ATM: variants seen among roughly 807,000 people sequenced by gnomAD.
ATM encodes serine-protein kinase ATM.
ATM carries 308 observed loss-of-function variants against 387.0 expected under a neutral mutation model. The observed-to-expected ratio is 0.80, with a 90% confidence interval of 0.73 to 0.87. The LOEUF (loss-of-function observed/expected upper bound fraction) is 0.87, where lower values mean the gene tolerates loss of function less well. ATM is among the 40% of genes least tolerant of loss of function. The pLI, the probability that ATM is intolerant of heterozygous loss-of-function variation, is 0.00. For missense variants in ATM, 3,312 were observed against 3,560.9 expected (o/e 0.93, Z 1.78); for synonymous variants, 1,156 against 1,187.3 (o/e 0.97, Z 0.54).
rs3092828 is a variant in ATM, at chr11:108,304,660, G to T, written c.5497-15G>T. 1 of 1,611,988 alleles carries T rather than the reference G, an allele frequency of 6.2e-7. No homozygotes were observed. The highest frequency in any genetic ancestry group is 2.2e-5 in the East Asian group (1 of 44,834). ...TTTACTCAAACTATTGGGTGGATTT[G>T]TTTGTATATTCTAGGTGAAAACTGA... is the stretch of plus-strand genomic sequence containing the variant. On this transcript the variant is annotated splice_polypyrimidine_tract_variant and intron_variant, in intron 36 of 62. Transcript: ENST00000675843.
At chr11:108,326,848 C>T (rs1288270074) in intron 47 of ATM, among the ~76,000 whole-genome samples, 6 of 152,076 alleles carry the variant, frequency 3.9e-5, no homozygotes, top group Non-Finnish European at 7.4e-5. Flanking sequence ...TTTTTTGAGA[C>T]GGAGTCTTGC....
intron 46 of ATM, 49 bp downstream of exon 46, chr11:108,325,593 A>G: frequency 6.8e-7 from 1 of 1,465,026 alleles, no homozygotes; most frequent in Non-Finnish European, 9.5e-7. Context: ...CTTTCCTTTT[A>G]TTATTTAAAA....
chr11:108,289,564 A>T (rs2135758270), intron 28 of ATM, 38 bp from the exon 29 acceptor site: 1 of 1,502,410 alleles, frequency 6.7e-7, no homozygotes, highest in Non-Finnish European at 9.1e-7. Flanking sequence ...CCGAGTATCT[A>T]ATTAAACAAG....
At chr11:108,251,697 A>G in intron 10 of ATM, 140 bp from the exon 11 acceptor site, 1 of 829,564 alleles carries the variant, frequency 1.2e-6, no homozygotes, top group Non-Finnish European at 2.0e-6. Context: ...GAATCTTCCC[A>G]AATGTAATCA....
intron 56 of ATM, among the ~76,000 whole-genome samples, chr11:108,336,932 C>A (rs923309250): frequency 3.3e-5 from 5 of 152,192 alleles, no homozygotes; most frequent in Non-Finnish European, 1.5e-5. Flanking sequence ...TTTGTGATTT[C>A]ATTCCTGTAC....
rs773149592 is a variant in ATM at position 108,345,814 on chromosome 11, T to C, written c.8490T>C (p.Val2830=). The C allele has an allele frequency of 6.2e-7, 1 of 1,613,946 alleles. No individual in the cohort carries two copies. Among genetic ancestry groups the C allele is most frequent in the Non-Finnish European group, 8.5e-7 (1 of 1,179,884 alleles). Residue 2830 remains valine (V), a synonymous_variant, in exon 58 of 63, where the codon GTT becomes GTC. Transcript: ENST00000675843. The stretch of plus-strand genomic sequence containing the variant: ...ATGTTTGCCAAAATTTTCAACCAGT[T>C]TTCCGTTACTTCTGCATGGAAAAAT... ...FMDVCQNFQP[V]FRYFCMEKFL... is the part of the protein sequence containing the mutation.
At position 108,244,130 on chromosome 11, in the gene ATM, T is replaced by A. The variant is rs2079711849; in HGVS notation, c.662+12T>A. ...ATTCAGTGTGCGAGGTAATCTAATC[T>A]CTTTTTCTTTTGTTTTGTATTGAAA... On this transcript the variant is annotated intron_variant, in intron 6 of 62. Coordinates refer to ENST00000675843, the MANE Select transcript of ATM (RefSeq NM_000051.4). The A allele has an allele frequency of 1.2e-6, 2 of 1,613,526 alleles. No individual in the cohort carries two copies. Among genetic ancestry groups the A allele is most frequent in the African/African-American group, 2.7e-5 (2 of 74,994 alleles).
At chr11:108,350,473 C>T (rs964350015) in intron 59 of ATM, among the ~76,000 whole-genome samples, 2 of 152,202 alleles carry the variant, frequency 1.3e-5, no homozygotes, top group African/African-American at 4.8e-5. Context: ...TTTTAGCAGA[C>T]TCATTTCTGG....
chr11:108,226,921 A>G (rs1426006147), intron 1 of ATM: 2 of 152,134 alleles, frequency 1.3e-5, no homozygotes, highest in African/African-American at 2.4e-5. Flanking sequence ...TTGAGTGCTC[A>G]TTTCCTTATT....
intron 61 of ATM, among the ~76,000 whole-genome samples, 163 bp from the exon 62 acceptor site, chr11:108,364,919 A>T (rs1194831531): frequency 6.6e-6 from 1 of 152,264 alleles, no homozygotes; most frequent in Non-Finnish European, 1.5e-5. Context: ...GCATTATGCT[A>T]GGATAGTTTC....
chr11:108,332,369 T>G (rs1565535126), intron 52 of ATM, among the ~76,000 whole-genome samples: 1 of 152,032 alleles, frequency 6.6e-6, no homozygotes, highest in East Asian at 1.9e-4. Flanking sequence ...GAGGCGGAGG[T>G]TGCAGTGAGC....
At chr11:108,335,383 A>G in intron 55 of ATM, 1 of 967,922 alleles carries the variant, frequency 1.0e-6, no homozygotes, top group Non-Finnish European at 1.4e-6. Context: ...TTCTTATGAA[A>G]AAAAATACTT....
At chr11:108,354,244 T>C (rs2089606102) in intron 60 of ATM, among the ~76,000 whole-genome samples, 1 of 152,192 alleles carries the variant, frequency 6.6e-6, no homozygotes, top group East Asian at 1.9e-4. Flanking sequence ...TAAGCCCATG[T>C]AACATACATA....
chr11:108,273,375 C>T lies in ATM; in HGVS notation c.3284+523C>T, dbSNP rs2081732023. On this transcript the variant is annotated intron_variant, in intron 22 of 62. Transcript: ENST00000675843. ...TTTTTTTTTGAGATGGAGTTTCGCT[C>T]ATGTCTCCCAGGCTGGAGTGCAATG... 4.9e-5 allele frequency among the ~76,000 whole-genome samples: 6 copies of T among 121,850 alleles called. No individual in the cohort carries two copies. The South Asian group carries it at 7.8e-4, about 16-fold the overall frequency. The allele number at this position is 121,850 out of a possible 152,430, so 79.9% of individuals were successfully genotyped here.
chr11:108,337,593 G>C (rs1356591121), intron 56 of ATM, among the ~76,000 whole-genome samples: 1 of 152,134 alleles, frequency 6.6e-6, no homozygotes, highest in African/African-American at 2.4e-5. Context: ...TGCTGCACTG[G>C]TCCAGGGACA....
chr11:108,293,891 AAAAATAT>A (rs1211012259), intron 31 of ATM, among the ~76,000 whole-genome samples: 6 of 116,534 alleles, frequency 5.1e-5, no homozygotes, highest in Non-Finnish European at 8.9e-5. Context: ...AAAAAAAAAA[AAAAATAT>A]ATATATATAT....
intron 12 of ATM, 95 bp downstream of exon 12, chr11:108,253,007 T>G (rs1214069851): frequency 8.8e-7 from 1 of 1,132,120 alleles, no homozygotes; most frequent in Non-Finnish European, 1.3e-6. Flanking sequence ...TCTTAATAAT[T>G]GTAAACTAAA....
chr11:108,242,046 G>C (rs949062718), intron 5 of ATM, among the ~76,000 whole-genome samples: 2 of 151,844 alleles, frequency 1.3e-5, no homozygotes, highest in Non-Finnish European at 2.9e-5. Flanking sequence ...TGGCTTGATA[G>C]GCTGAAGTGG....
rs534869216 is a variant in ATM, at chr11:108,322,847, G to A, written c.6572+1427G>A. Reference sequence around the variant, plus strand: ...TTACACTCCATTCGGTTTTAGCACTGCATTGCATTACTGTCATTTTATCTC... The same window carrying A: ...TTACACTCCATTCGGTTTTAGCACTACATTGCATTACTGTCATTTTATCTC... On this transcript the variant is annotated intron_variant, in intron 45 of 62. Coordinates refer to ENST00000675843, the MANE Select transcript of ATM (RefSeq NM_000051.4). Among the ~76,000 whole-genome samples the A allele has an allele frequency of 2.6e-4, 40 of 151,536 alleles. No individual in the cohort carries two copies. The East Asian group carries it at 7.2e-3, about 27-fold the overall frequency.
Sources: allele counts gnomAD v4.1 joint callset (sites outside exome capture counted in the v4.1 genomes callset), GRCh38; gene constraint gnomAD v4.1.1; transcripts MANE v1.5; gene names NCBI Gene and HGNC (gene_info 2026-07-23, HGNC 2026-07-21).